The following UPF2 variants were observed in gnomAD, a reference collection of about 807,000 sequenced individuals.
UPF2 encodes UPF2 regulator of nonsense mediated mRNA decay.
Under a neutral mutation model 141.4 loss-of-function variants are expected in UPF2, and 17 were observed. The ratio of observed to expected loss-of-function variants is 0.12; its 90% CI spans 0.08 to 0.18. The LOEUF is 0.18. Ranked by LOEUF, UPF2 falls within the 10% of genes least tolerant of loss-of-function variation. UPF2 has a pLI of 1.00. For missense variants in UPF2, 1,152 were observed against 1,515.9 expected (o/e 0.76, Z 3.99); for synonymous variants, 540 against 498.0 (o/e 1.08, Z -1.12).
At chr10:12,038,587 G>T (rs1336486919) in intron 1 of UPF2, among the ~76,000 whole-genome samples, 2 of 151,752 alleles carry the variant, frequency 1.3e-5, no homozygotes, top group Non-Finnish European at 2.9e-5. Flanking sequence ...AAATTAAACA[G>T]GCATGGTGGA....
At chr10:11,993,592 A>G (rs1423433588) in intron 8 of UPF2, among the ~76,000 whole-genome samples, 3 of 151,352 alleles carry the variant, frequency 2.0e-5, no homozygotes, top group Admixed American at 6.6e-5. Flanking sequence ...TGACAAAGCC[A>G]CAAAACAAAA....
intron 8 of UPF2, among the ~76,000 whole-genome samples, chr10:11,985,746 C>T (rs1833679201): frequency 6.6e-6 from 1 of 151,928 alleles, no homozygotes. Context: ...ATTAAAGTCA[C>T]ATCAGTCACA....
intron 10 of UPF2, among the ~76,000 whole-genome samples, chr10:11,965,598 T>G (rs904796261): frequency 6.6e-6 from 1 of 152,164 alleles, no homozygotes; most frequent in Non-Finnish European, 1.5e-5. Context: ...TAGCTGGGAC[T>G]ACAGGTGCCT....
chr10:11,995,918 T>C (rs567442872), intron 8 of UPF2, among the ~76,000 whole-genome samples: 102 of 152,278 alleles, frequency 6.7e-4, no homozygotes, highest in Non-Finnish European at 8.7e-4. Flanking sequence ...AGTCCATTCT[T>C]CTCAGGCCTC....
At chr10:12,025,497 G>C (rs1455506892) in intron 3 of UPF2, among the ~76,000 whole-genome samples, 1 of 151,998 alleles carries the variant, frequency 6.6e-6, no homozygotes, top group Non-Finnish European at 1.5e-5. Context: ...GTTGCAGTGA[G>C]CCAAGACCAT....
At position 11,948,851 on chromosome 10, in the gene UPF2, G is replaced by T. The variant is rs190322721; in HGVS notation, c.3035-343C>A. On this transcript the variant is annotated intron_variant, in intron 15 of 21. Coordinates refer to ENST00000357604, the MANE Select transcript of UPF2 (RefSeq NM_015542.4). ...CAGTAACAGATGAGGTACAGTCTCAGCCATATGTAAGATACAGCGTTGGCC... is the reference window on the plus strand; with the variant it reads ...CAGTAACAGATGAGGTACAGTCTCATCCATATGTAAGATACAGCGTTGGCC... Among the ~76,000 whole-genome samples the T allele has an allele frequency of 5.9e-5, 9 of 152,254 alleles. No homozygotes were observed. The East Asian group carries it at 1.5e-3, about 26-fold the overall frequency.
intron 9 of UPF2, among the ~76,000 whole-genome samples, chr10:11,975,652 G>A (rs948444542): frequency 2.0e-5 from 3 of 151,148 alleles, no homozygotes; most frequent in Non-Finnish European, 4.4e-5. Context: ...GGGATTACAG[G>A]CATGTGCCAC....
In UPF2 at chr10:11,921,000, T is replaced by C. The variant is rs1165452219; in HGVS notation, c.*298A>G. On this transcript the variant is annotated 3_prime_UTR_variant, in exon 22 of 22. Coordinates refer to ENST00000357604, the MANE Select transcript of UPF2 (RefSeq NM_015542.4). ...TCCTTCACGCTCTCCTTGGTGTAAC[T>C]GCTCAGTAGTCAAGTGAACCATCTC... The C allele has an allele frequency of 3.1e-6, 2 of 642,766 alleles. No homozygotes were observed. Among genetic ancestry groups the C allele is most frequent in the African/African-American group, 3.6e-5 (2 of 55,718 alleles). 39.8% of individuals were successfully genotyped at this position (642,766 alleles called of 1,614,324 possible).
At chr10:12,006,857 CTT>C (rs1267852310) in intron 4 of UPF2, among the ~76,000 whole-genome samples, 1 of 152,096 alleles carries the variant, frequency 6.6e-6, no homozygotes, top group African/African-American at 2.4e-5. Flanking sequence ...AATGAGGTGA[CTT>C]AGGGTGGAGT....
intron 3 of UPF2, among the ~76,000 whole-genome samples, chr10:12,018,191 T>G (rs1834257719): frequency 6.6e-6 from 1 of 152,178 alleles, no homozygotes; most frequent in South Asian, 2.1e-4. Flanking sequence ...CTAACGCCTG[T>G]AATCCTAGCA....
chr10:11,931,876 C>A lies in UPF2; in HGVS notation c.3547-94G>T. The A allele has an allele frequency of 1.5e-6, 2 of 1,367,096 alleles. No homozygotes were observed. The highest frequency in any genetic ancestry group is 1.5e-5 in the South Asian group (1 of 68,580). The allele number at this position is 1,367,096 out of a possible 1,614,324, so 84.7% of individuals were successfully genotyped here. On this transcript the variant is annotated intron_variant, in intron 19 of 21. Transcript: ENST00000357604. This position sits in a 1 kb window ranked among gnomAD's most constrained non-coding sequence, Gnocchi z 5.9. ...AATAAAATAGCAAGTACAGGCTGGG[C>A]ACGGTGGCTCACGCCTGTAATCCCA... is the stretch of plus-strand genomic sequence containing the variant.
chr10:12,021,144 T>G (rs7075540), intron 3 of UPF2, among the ~76,000 whole-genome samples: 7,968 of 152,304 alleles, frequency 0.052, 284 homozygotes, highest in Non-Finnish European at 0.08. Flanking sequence ...TCACTCACTT[T>G]CCATGTTATA....
intron 3 of UPF2, among the ~76,000 whole-genome samples, chr10:12,021,351 G>A (rs1834313922): frequency 7.3e-6 from 1 of 137,088 alleles, no homozygotes; most frequent in African/African-American, 2.7e-5. Context: ...CCAACATAAT[G>A]AAACCAAGTC....
chr10:11,920,207 AGTT>A lies in UPF2; in HGVS notation c.*1088_*1090del, dbSNP rs915735420. The A allele has an allele frequency of 1.3e-5, 2 of 152,238 alleles. No individual in the cohort carries two copies. The highest frequency in any genetic ancestry group is 1.3e-4 in the Admixed American group (2 of 15,276). The allele number at this position is 152,238 out of a possible 1,614,324, so 9.4% of individuals were successfully genotyped here. On this transcript the variant is annotated 3_prime_UTR_variant, in exon 22 of 22. Coordinates refer to ENST00000357604, the MANE Select transcript of UPF2 (RefSeq NM_015542.4). ...ATAGCTAGAAAAAAAGATGTAATCA[AGTT>A]GTCGCATACAGATGTGCTCTCCGAC...
At chr10:11,954,348 T>A (rs755954192) in intron 14 of UPF2, among the ~76,000 whole-genome samples, 1 of 151,684 alleles carries the variant, frequency 6.6e-6, no homozygotes, top group Non-Finnish European at 1.5e-5. Flanking sequence ...TAAAAAAAAA[T>A]TAGGCTGGGC....
intron 8 of UPF2, among the ~76,000 whole-genome samples, chr10:11,987,971 C>A (rs936427907): frequency 6.6e-6 from 1 of 152,010 alleles, no homozygotes; most frequent in African/African-American, 2.4e-5. Flanking sequence ...AGTGAAAAGA[C>A]AACTCAGAGG....
In UPF2 at chr10:11,989,465, T is replaced by C. The variant is rs118102408; in HGVS notation, c.1844+8207A>G. Among the ~76,000 whole-genome samples, 1,275 of 152,156 alleles carry C rather than the reference T, an allele frequency of 8.4e-3. 16 individuals carry two copies. Among genetic ancestry groups the C allele is most frequent in the South Asian group, 0.025 (121 of 4,820 alleles). ...AAGACCTTGTCTCTTAAAAAATAAATGAATAGAAATGTAAAGAGTAACAGT... is the reference window on the plus strand; with the variant it reads ...AAGACCTTGTCTCTTAAAAAATAAACGAATAGAAATGTAAAGAGTAACAGT... On this transcript the variant is annotated intron_variant, in intron 8 of 21. Coordinates refer to ENST00000357604, the MANE Select transcript of UPF2 (RefSeq NM_015542.4).
Position 12,028,805 on chromosome 10 carries a change from G to C in UPF2, c.1085C>G (p.Ser362Cys). The change falls in exon 3 of 22, where the codon TCT becomes TGT. Residue 362 changes from serine (S) to cysteine (C), a missense_variant. By Grantham distance (112) the Ser-to-Cys change is moderately radical. Around this residue, in one of 4 missense-constraint regions of UPF2, gnomAD observed 739 missense variants for 1,032.2 expected, o/e 0.72. Transcript: ENST00000357604. ...GTCCCTTTTCAGGTGTTTGGTCAAA[G>C]ACGTAAAGTACTCTTTTAAAAGATT... ...FQNLLKEYFT[S>C]LTKHLKRDHR... is the part of the protein sequence containing the mutation. 6.2e-7 allele frequency: 1 copy of C among 1,614,030 alleles called. No homozygotes were observed.
At chr10:12,022,167 T>G (rs959307150) in intron 3 of UPF2, among the ~76,000 whole-genome samples, 30 of 150,174 alleles carry the variant, frequency 2.0e-4, no homozygotes, top group African/African-American at 7.4e-4. Context: ...ATCCTACCAC[T>G]TTGGGAGGCC....
Sources: gnomAD v4.1 joint callset for allele counts (sites outside exome capture counted in the v4.1 genomes callset) on GRCh38, gnomAD v4.1.1 for gene constraint, gnomAD v4.1.1 regional missense constraint, Gnocchi (gnomAD v3.1) non-coding constraint, MANE v1.5 for transcripts, NCBI Gene and HGNC (gene_info 2026-07-23, HGNC 2026-07-21) for gene names.